RALGPS1: variants seen among roughly 807,000 people sequenced by gnomAD.
RALGPS1 encodes the protein ras-specific guanine nucleotide-releasing factor RalGPS1.
RALGPS1 carries 19 observed loss-of-function variants against 78.8 expected under a neutral mutation model. The observed-to-expected ratio is 0.24, with a 90% CI of 0.17 to 0.35. RALGPS1 has a LOEUF of 0.35. RALGPS1 is among the 10% of genes least tolerant of loss of function. The pLI is 1.00. For missense variants in RALGPS1, 454 were observed against 688.3 expected (o/e 0.66, Z 3.81); for synonymous variants, 228 against 256.3 (o/e 0.89, Z 1.06).
chr9:127,061,500 A>G (rs1035526294), intron 7 of RALGPS1, among the ~76,000 whole-genome samples: 4 of 152,218 alleles, frequency 2.6e-5, no homozygotes, highest in African/African-American at 9.6e-5. Flanking sequence ...CACTTTGTCC[A>G]AAGGTGAGTT....
chr9:127,207,315 G>C (rs1452371042), intron 14 of RALGPS1, among the ~76,000 whole-genome samples: 1 of 152,068 alleles, frequency 6.6e-6, no homozygotes, highest in Admixed American at 6.5e-5. Flanking sequence ...GTTCCCACAA[G>C]CTCCTGGTCT....
intron 8 of RALGPS1, among the ~76,000 whole-genome samples, chr9:127,119,439 T>A (rs540514915): frequency 6.6e-6 from 1 of 152,288 alleles, no homozygotes; most frequent in East Asian, 1.9e-4. Context: ...AACAAGGCAC[T>A]GAAGTGAGAG....
chr9:127,214,729 T>C, intron 17 of RALGPS1, 22 bp from the exon 18 acceptor site: 2 of 1,596,026 alleles, frequency 1.3e-6, no homozygotes, highest in South Asian at 2.3e-5. Flanking sequence ...TCTTCTTAAC[T>C]CATGGTTTCT....
intron 1 of RALGPS1, among the ~76,000 whole-genome samples, chr9:126,937,951 A>G (rs1228111277): frequency 6.6e-6 from 1 of 152,238 alleles, no homozygotes; most frequent in Admixed American, 6.5e-5. Context: ...AACCAGTGTC[A>G]GGAAGTGAAT....
At chr9:127,177,119 G>A (rs2059924100) in intron 11 of RALGPS1, among the ~76,000 whole-genome samples, 1 of 152,016 alleles carries the variant, frequency 6.6e-6, no homozygotes, top group African/African-American at 2.4e-5. Context: ...TTAGCACCTG[G>A]CATTATGCCT....
chr9:126,979,305 G>A (rs1372780773), intron 4 of RALGPS1, among the ~76,000 whole-genome samples: 1 of 151,756 alleles, frequency 6.6e-6, no homozygotes, highest in Non-Finnish European at 1.5e-5. Context: ...TAGGGTTGGG[G>A]AACAGAGCTT....
In RALGPS1 at chr9:127,212,909, C is replaced by T; in HGVS notation, c.1447-35C>T. 3.1e-6 allele frequency: 5 copies of T among 1,613,492 alleles called. No individual in the cohort carries two copies. The highest frequency in any genetic ancestry group is 4.2e-6 in the Non-Finnish European group (5 of 1,179,720). ...CTCCCTTGTGGAGTGGAGGGCTGGG[C>T]CCCGGTCTCCGGATGTGTTGTTGCT... is the stretch of plus-strand genomic sequence containing the variant. On this transcript the variant is annotated intron_variant, in intron 16 of 18. Transcript: ENST00000259351. This position sits in a 1 kb window ranked among gnomAD's most constrained non-coding sequence, Gnocchi z 6.0.
intron 4 of RALGPS1, among the ~76,000 whole-genome samples, chr9:127,012,347 C>T (rs552782317): frequency 3.9e-5 from 6 of 152,252 alleles, no homozygotes; most frequent in East Asian, 1.9e-4. Context: ...ATGTTATGCC[C>T]AGATACTTCC....
chr9:127,069,473 G>C, intron 8 of RALGPS1, 117 bp downstream of exon 8: 1 of 1,233,742 alleles, frequency 8.1e-7, no homozygotes, highest in South Asian at 1.5e-5. Context: ...TAGATAAAGA[G>C]GCAATTGGTT....
chr9:126,998,480 C>G (rs1476929211), intron 4 of RALGPS1, among the ~76,000 whole-genome samples: 7 of 152,196 alleles, frequency 4.6e-5, no homozygotes, highest in African/African-American at 1.7e-4. Flanking sequence ...CCATCCCACA[C>G]CAGTTAGAAT....
At chr9:127,177,781 T>A in intron 11 of RALGPS1, 1 of 1,531,254 alleles carries the variant, frequency 6.5e-7, no homozygotes, top group Non-Finnish European at 8.8e-7. Flanking sequence ...CTTTGACCCC[T>A]GACTGTCCTG....
chr9:126,960,203 C>G (rs1588657683), intron 1 of RALGPS1, among the ~76,000 whole-genome samples: 2 of 56,648 alleles, frequency 3.5e-5, no homozygotes, highest in Non-Finnish European at 3.6e-5. Flanking sequence ...TTCCTTCCCT[C>G]CCTCCCTCCC....
intron 6 of RALGPS1, among the ~76,000 whole-genome samples, chr9:127,051,834 A>G (rs1182275431): frequency 6.6e-6 from 1 of 152,230 alleles, no homozygotes; most frequent in Non-Finnish European, 1.5e-5. Flanking sequence ...GCAAGTAAAA[A>G]GCAAGTACAA....
At chr9:127,062,161 G>A (rs376363933) in intron 7 of RALGPS1, among the ~76,000 whole-genome samples, 2 of 152,002 alleles carry the variant, frequency 1.3e-5, no homozygotes, top group African/African-American at 2.4e-5. Context: ...GCAGTGGCGC[G>A]ATCTTGACTC....
At position 127,086,981 on chromosome 9, in the gene RALGPS1, C is replaced by G. The variant is rs546712585; in HGVS notation, c.610+17625C>G. 9.9e-5 allele frequency among the ~76,000 whole-genome samples: 15 copies of G among 152,234 alleles called. 1 individual carries two copies. In the South Asian group the frequency reaches 3.1e-3, roughly 32 times the overall value. On this transcript the variant is annotated intron_variant, in intron 8 of 18. Transcript: ENST00000259351. ...TCCTTGGCAGGGGAAGGGAGAGGTCCTTGTTTTTGATCTGAGCAATTGAGT... is the reference window on the plus strand; with the variant it reads ...TCCTTGGCAGGGGAAGGGAGAGGTCGTTGTTTTTGATCTGAGCAATTGAGT...
At chr9:127,096,191 A>G (rs2053114802) in intron 8 of RALGPS1, among the ~76,000 whole-genome samples, 1 of 151,984 alleles carries the variant, frequency 6.6e-6, no homozygotes, top group Admixed American at 6.6e-5. Flanking sequence ...GGGAGGCTAG[A>G]CCTCCAGAAA....
At chr9:127,029,755 C>T (rs1213539036) in intron 4 of RALGPS1, among the ~76,000 whole-genome samples, 1 of 152,230 alleles carries the variant, frequency 6.6e-6, no homozygotes, top group African/African-American at 2.4e-5. Flanking sequence ...CACCACTCCC[C>T]AGTCTCCTTT....
intron 11 of RALGPS1, among the ~76,000 whole-genome samples, chr9:127,193,814 C>A (rs535933373): frequency 6.6e-6 from 1 of 152,258 alleles, no homozygotes; most frequent in Admixed American, 6.5e-5. Context: ...GTGTTCTCTG[C>A]AGGAAGCAGC....
At chr9:127,196,073 GAAGTTCGTTGCAATGGTGGAAA>G (rs1219892564) in intron 12 of RALGPS1, among the ~76,000 whole-genome samples, 4 of 152,254 alleles carry the variant, frequency 2.6e-5, no homozygotes, top group African/African-American at 9.6e-5. Context: ...TCAACAAGGT[GAAGTTCGTTGCAATGGTGGAAA>G]AACATCAGAG....
Sources: gnomAD v4.1 joint callset for allele counts (sites outside exome capture counted in the v4.1 genomes callset) on GRCh38, gnomAD v4.1.1 for gene constraint, Gnocchi (gnomAD v3.1) non-coding constraint, MANE v1.5 for transcripts, NCBI Gene and HGNC (gene_info 2026-07-23, HGNC 2026-07-21) for gene names.